CAMK4: variants seen among roughly 807,000 people sequenced by gnomAD.
The protein encoded by CAMK4 is calcium/calmodulin dependent protein kinase IV.
Under a neutral mutation model 44.9 loss-of-function variants are expected in CAMK4, and 22 were observed. The ratio of observed to expected loss-of-function variants is 0.49; its 90% CI spans 0.35 to 0.70. The LOEUF (loss-of-function observed/expected upper bound fraction) is 0.70. Ranked by LOEUF, CAMK4 falls within the 30% of genes least tolerant of loss-of-function variation. CAMK4 has a pLI of 0.01. For synonymous variants in CAMK4, 218 were observed against 215.4 expected (o/e 1.01, Z -0.11); for missense variants, 498 against 586.8 (o/e 0.85, Z 1.56).
chr5:111,467,349 T>C (rs944809076), intron 7 of CAMK4, among the ~76,000 whole-genome samples: 1 of 98,494 alleles, frequency 1.0e-5, no homozygotes, highest in African/African-American at 4.5e-5. Context: ...ATGGACTTAA[T>C]TAAACTAAAA....
chr5:111,255,035 A>G (rs1377865169), intron 1 of CAMK4, among the ~76,000 whole-genome samples: 2 of 149,808 alleles, frequency 1.3e-5, no homozygotes, highest in Admixed American at 1.3e-4. Context: ...CTAAAGCTAT[A>G]CTTTGTCCAA....
intron 5 of CAMK4, among the ~76,000 whole-genome samples, chr5:111,405,813 G>A (rs940861308): frequency 4.6e-5 from 7 of 152,020 alleles, no homozygotes; most frequent in African/African-American, 1.2e-4. Context: ...AAAAATGGCC[G>A]GTCAAGAAAT....
At chr5:111,312,731 C>G (rs914671454) in intron 1 of CAMK4, among the ~76,000 whole-genome samples, 2 of 152,106 alleles carry the variant, frequency 1.3e-5, no homozygotes, top group Admixed American at 1.3e-4. Context: ...AGAAATGTCT[C>G]TGAGTTTAAA....
intron 1 of CAMK4, among the ~76,000 whole-genome samples, chr5:111,249,053 G>A (rs1749363508): frequency 6.6e-6 from 1 of 152,156 alleles, no homozygotes; most frequent in Non-Finnish European, 1.5e-5. Context: ...AGTTTAATTA[G>A]AAAAGCACTG....
At chr5:111,292,189 A>G (rs746077475) in intron 1 of CAMK4, among the ~76,000 whole-genome samples, 65 of 152,354 alleles carry the variant, frequency 4.3e-4, no homozygotes, top group Non-Finnish European at 8.4e-4. Context: ...ACGTGTCCTC[A>G]TAATTATCTC....
intron 4 of CAMK4, among the ~76,000 whole-genome samples, chr5:111,394,078 C>T (rs143022760): frequency 0.011 from 1,695 of 151,944 alleles, 17 homozygotes; most frequent in Non-Finnish European, 0.017. Context: ...ATAAGAGATA[C>T]GCTAACCATT....
At chr5:111,280,335 CATT>C (rs1750958851) in intron 1 of CAMK4, among the ~76,000 whole-genome samples, 1 of 152,190 alleles carries the variant, frequency 6.6e-6, no homozygotes, top group Non-Finnish European at 1.5e-5. Context: ...ACTGGACAAA[CATT>C]GTGCTGTAGA....
intron 2 of CAMK4, among the ~76,000 whole-genome samples, chr5:111,346,842 C>CAAACAAA (rs1749891540): frequency 6.6e-6 from 1 of 150,886 alleles, no homozygotes; most frequent in Non-Finnish European, 1.5e-5. Context: ...AACAAACAAA[C>CAAACAAA]AAAAACACTA....
intron 1 of CAMK4, among the ~76,000 whole-genome samples, chr5:111,335,885 A>G (rs1749380403): frequency 6.6e-6 from 1 of 150,972 alleles, no homozygotes; most frequent in African/African-American, 2.4e-5. Context: ...CAAACACATT[A>G]CAGGTTTGAC....
chr5:111,364,613 A>T (rs1279202577), intron 2 of CAMK4, among the ~76,000 whole-genome samples: 1 of 152,116 alleles, frequency 6.6e-6, no homozygotes, highest in African/African-American at 2.4e-5. Flanking sequence ...TCAAGTTCTG[A>T]AATAGAAGTG....
intron 1 of CAMK4, among the ~76,000 whole-genome samples, chr5:111,331,605 G>C (rs1269083197): frequency 6.6e-6 from 1 of 151,574 alleles, no homozygotes; most frequent in Non-Finnish European, 1.5e-5. Flanking sequence ...GCCTTTGTTA[G>C]TCCCTATCCA....
chr5:111,444,298 G>A (rs1338769525), intron 5 of CAMK4, among the ~76,000 whole-genome samples: 1 of 152,138 alleles, frequency 6.6e-6, no homozygotes, highest in African/African-American at 2.4e-5. Context: ...ACGACTTACT[G>A]GTTAGAGCTG....
chr5:111,454,755 T>C (rs1308279288), intron 7 of CAMK4, among the ~76,000 whole-genome samples: 1 of 152,064 alleles, frequency 6.6e-6, no homozygotes, highest in East Asian at 1.9e-4. Context: ...GGTCTAGATA[T>C]TTAAGGCTTG....
At chr5:111,314,612 G>T (rs1043554814) in intron 1 of CAMK4, among the ~76,000 whole-genome samples, 1 of 152,020 alleles carries the variant, frequency 6.6e-6, no homozygotes, top group African/African-American at 2.4e-5. Context: ...ATGTGCAGAA[G>T]CTAATGAACC....
intron 2 of CAMK4, among the ~76,000 whole-genome samples, chr5:111,345,927 A>G (rs569360164): frequency 1.3e-5 from 2 of 151,984 alleles, no homozygotes; most frequent in Non-Finnish European, 2.9e-5. Context: ...TGGTGCTGTA[A>G]GGCAGATGTT....
intron 4 of CAMK4, among the ~76,000 whole-genome samples, chr5:111,393,766 G>A (rs772179839): frequency 1.1e-4 from 16 of 151,982 alleles, no homozygotes; most frequent in Non-Finnish European, 1.5e-4. Flanking sequence ...TAACTTATGG[G>A]TACTAGGCTT....
In CAMK4 at chr5:111,401,360, C is replaced by T. The variant is rs200363046; in HGVS notation, c.459+6578C>T. On this transcript the variant is annotated intron_variant, in intron 5 of 10. Transcript: ENST00000282356. ...CACTATGTAGGCCAGGCTGTCAGTA[C>T]TGCATTTCTTCAGGAACTACAAGGA... 6.8e-4 allele frequency among the ~76,000 whole-genome samples: 104 copies of T among 152,134 alleles called. No homozygotes were observed. The East Asian group carries it at 0.018, about 26-fold the overall frequency.
chr5:111,360,561 G>T (rs776447079), intron 2 of CAMK4, among the ~76,000 whole-genome samples: 1 of 152,070 alleles, frequency 6.6e-6, no homozygotes, highest in Non-Finnish European at 1.5e-5. Context: ...CAGAGATGGA[G>T]AAATAATAGG....
chr5:111,281,536 A>G (rs1203805793), intron 1 of CAMK4, among the ~76,000 whole-genome samples: 1 of 152,170 alleles, frequency 6.6e-6, no homozygotes, highest in Non-Finnish European at 1.5e-5. Flanking sequence ...AGAGAATAGC[A>G]TTTCAGGAGA....
Sources: gnomAD v4.1 joint callset for allele counts (sites outside exome capture counted in the v4.1 genomes callset) on GRCh38, gnomAD v4.1.1 for gene constraint, MANE v1.5 for transcripts, NCBI Gene and HGNC (gene_info 2026-07-23, HGNC 2026-07-21) for gene names.